GPATCH2: variants seen among roughly 807,000 people sequenced by gnomAD.
GPATCH2 encodes G patch domain-containing protein 2.
Under a neutral mutation model 58.0 loss-of-function variants are expected in GPATCH2, and 51 were observed. That is an observed-to-expected ratio of 0.88 (90% confidence interval 0.70 to 1.11). The LOEUF is 1.11. Ranked by LOEUF, GPATCH2 falls within the 50% of genes most tolerant of loss-of-function variation. The pLI, the probability that GPATCH2 is intolerant of heterozygous loss-of-function variation, is 0.00. For synonymous variants in GPATCH2, 222 were observed against 218.5 expected (o/e 1.02, Z -0.14); for missense variants, 625 against 652.2 (o/e 0.96, Z 0.45).
At chr1:217,458,163 G>C (rs1660039120) in intron 8 of GPATCH2, among the ~76,000 whole-genome samples, 1 of 152,148 alleles carries the variant, frequency 6.6e-6, no homozygotes, top group African/African-American at 2.4e-5. Flanking sequence ...CCGGGAGGCG[G>C]AGCTTGCAGT....
At chr1:217,472,100 G>A (rs1253731228) in intron 8 of GPATCH2, among the ~76,000 whole-genome samples, 1 of 151,864 alleles carries the variant, frequency 6.6e-6, no homozygotes, top group African/African-American at 2.4e-5. Flanking sequence ...TCAAAAAAAC[G>A]GTGCCATATC....
chr1:217,608,384 T>C (rs1331570705), intron 5 of GPATCH2: 6 of 983,374 alleles, frequency 6.1e-6, no homozygotes, highest in Non-Finnish European at 7.2e-6. Flanking sequence ...AACACACATA[T>C]ATAGTATGTC....
intron 8 of GPATCH2, among the ~76,000 whole-genome samples, chr1:217,484,034 C>G (rs991216147): frequency 2.0e-5 from 3 of 152,122 alleles, no homozygotes; most frequent in Admixed American, 6.5e-5. Context: ...TCAAAGCAAT[C>G]TTTGCTGAAG....
intron 5 of GPATCH2, among the ~76,000 whole-genome samples, chr1:217,571,801 G>C (rs759369439): frequency 1.3e-5 from 2 of 151,246 alleles, no homozygotes; most frequent in African/African-American, 4.9e-5. Flanking sequence ...GCTGAGGCAC[G>C]AGAATCACTT....
rs1183790856 is a variant in GPATCH2 at position 217,620,096 on chromosome 1, C to A, written c.460G>T (p.Gly154Trp). The change falls in exon 2 of 10, where the codon GGG (glycine) becomes TGG (tryptophan). Residue 154 changes from glycine to tryptophan, a missense_variant. By Grantham distance (184) the Gly-to-Trp change is radical. Coordinates refer to ENST00000366935, the MANE Select transcript of GPATCH2 (RefSeq NM_018040.5). The stretch of plus-strand genomic sequence containing the variant: ...CTCCTCCTGCGCAGAGTTCTATTCC[C>A]AACATTGTCCACAGCAAAATCAGAC... ...HESDFAVDNVGNRTLRRRRKV... is the reference protein window; with the variant it reads ...HESDFAVDNVWNRTLRRRRKV... The A allele has an allele frequency of 1.2e-6, 2 of 1,614,074 alleles. No homozygotes were observed. Among genetic ancestry groups the A allele is most frequent in the Non-Finnish European group, 1.7e-6 (2 of 1,180,018 alleles).
In GPATCH2 at chr1:217,491,682, G is replaced by A; in HGVS notation, c.1275C>T (p.Ser425=). ...AAAAGCGATTTTGAATTGCTTACCT[G>A]CTGGCTGTTCTCACAGAACAATTTT... The part of the protein sequence containing the change: ...HKKNCSVRTA[S]RQTSMHLGSL... Residue 425 remains serine, a splice_region_variant and synonymous_variant, in exon 8 of 10, where the codon AGC becomes AGT. Transcript: ENST00000366935. The A allele has an allele frequency of 6.9e-7, 1 of 1,439,838 alleles. No individual in the cohort carries two copies. Among genetic ancestry groups the A allele is most frequent in the Non-Finnish European group, 9.7e-7 (1 of 1,033,130 alleles). The allele number at this position is 1,439,838 out of a possible 1,614,324, so 89.2% of individuals were successfully genotyped here.
chr1:217,553,603 A>C (rs990490714), intron 5 of GPATCH2, among the ~76,000 whole-genome samples: 1 of 152,164 alleles, frequency 6.6e-6, no homozygotes, highest in Non-Finnish European at 1.5e-5. Flanking sequence ...TAAAGTTCCA[A>C]CACAATTTTT....
Position 217,630,921 on chromosome 1 carries a change from G to A in GPATCH2, c.51C>T (p.Asn17=), listed in dbSNP as rs748887494. The A allele has an allele frequency of 6.9e-6, 11 of 1,589,126 alleles. No individual in the cohort carries two copies. The South Asian group carries it at 1.2e-4, about 18-fold the overall frequency. Residue 17 remains asparagine, a synonymous_variant, in exon 1 of 10, where the codon AAC becomes AAT. Coordinates refer to ENST00000366935, the MANE Select transcript of GPATCH2 (RefSeq NM_018040.5). ...RQPIGAPAAG[N]SWHFSRTMEE... is the part of the protein sequence containing the mutation. ...CCCAGGGCCGCCAGCCTCACCAGCT[G>A]TTCCCGGCTGCTGGAGCTCCGATCG...
At chr1:217,577,755 T>C (rs981554839) in intron 5 of GPATCH2, among the ~76,000 whole-genome samples, 3 of 151,838 alleles carry the variant, frequency 2.0e-5, no homozygotes, top group South Asian at 4.2e-4. Context: ...ATTATTATTA[T>C]TGTTAGTTTG....
intron 8 of GPATCH2, among the ~76,000 whole-genome samples, chr1:217,488,977 G>C (rs1267050294): frequency 1.3e-5 from 2 of 151,902 alleles, no homozygotes; most frequent in Non-Finnish European, 2.9e-5. Context: ...TCTTCGAGCA[G>C]CCAACCATAA....
intron 5 of GPATCH2, among the ~76,000 whole-genome samples, chr1:217,546,865 C>A (rs549763058): frequency 2.0e-5 from 3 of 152,160 alleles, no homozygotes; most frequent in East Asian, 3.9e-4. Flanking sequence ...TAACACCCAG[C>A]ATCTGTAAGG....
chr1:217,567,885 G>T (rs1405006030), intron 5 of GPATCH2, among the ~76,000 whole-genome samples: 1 of 152,184 alleles, frequency 6.6e-6, no homozygotes, highest in East Asian at 1.9e-4. Context: ...GGGAGGCCAA[G>T]GTGGGCGGAT....
intron 5 of GPATCH2, among the ~76,000 whole-genome samples, chr1:217,570,411 C>A (rs1033532928): frequency 6.6e-6 from 1 of 152,142 alleles, no homozygotes; most frequent in Admixed American, 6.5e-5. Flanking sequence ...CCACACCTGG[C>A]CCCAAAATAT....
At chr1:217,542,482 G>A (rs1664796460) in intron 5 of GPATCH2, among the ~76,000 whole-genome samples, 1 of 152,124 alleles carries the variant, frequency 6.6e-6, no homozygotes, top group African/African-American at 2.4e-5. Flanking sequence ...TTTTGGGGTG[G>A]GGGAAGGATT....
chr1:217,526,783 A>G (rs1489333605), intron 5 of GPATCH2, among the ~76,000 whole-genome samples: 1 of 152,264 alleles, frequency 6.6e-6, no homozygotes, highest in Non-Finnish European at 1.5e-5. Context: ...ACGAGCAAGC[A>G]AAGCTTCATC....
intron 8 of GPATCH2, among the ~76,000 whole-genome samples, chr1:217,466,194 T>C (rs1660441647): frequency 6.6e-6 from 1 of 152,048 alleles, no homozygotes; most frequent in Non-Finnish European, 1.5e-5. Context: ...TACAGAAGCA[T>C]TGACTTAAGA....
At position 217,599,699 on chromosome 1, in the gene GPATCH2, C is replaced by A. The variant is rs188019354; in HGVS notation, c.1098+10622G>T. Among the ~76,000 whole-genome samples the A allele has an allele frequency of 2.9e-3, 434 of 152,232 alleles. 2 individuals carry two copies. The highest frequency in any genetic ancestry group is 4.4e-3 in the Admixed American group (68 of 15,292). On this transcript the variant is annotated intron_variant, in intron 5 of 9. Transcript: ENST00000366935. Reference sequence around the variant, plus strand: ...AAGTCTTCATGACATGTGCTTACAGCTGAACCAAAAACTTTATAGTTGAAA... The same window carrying A: ...AAGTCTTCATGACATGTGCTTACAGATGAACCAAAAACTTTATAGTTGAAA...
Position 217,431,051 on chromosome 1 carries a change from T to C in GPATCH2, c.*94A>G, listed in dbSNP as rs989371079. On this transcript the variant is annotated 3_prime_UTR_variant, in exon 10 of 10. Transcript: ENST00000366935. ...CTAGAGTGATGTGTTTGAGGCAATG[T>C]AGATTTTTGCTTCAAAAACAGAAGT... is the stretch of plus-strand genomic sequence containing the variant. 2.7e-6 allele frequency: 2 copies of C among 752,620 alleles called. No homozygotes were observed. Among genetic ancestry groups the C allele is most frequent in the East Asian group, 2.4e-5 (1 of 41,018 alleles). 46.6% of individuals were successfully genotyped at this position (752,620 alleles called of 1,614,324 possible). A position where few individuals can be genotyped will look rare whatever the true frequency, so the allele number is the denominator to read the frequency against.
At chr1:217,496,878 A>T (rs1330538772) in intron 7 of GPATCH2, among the ~76,000 whole-genome samples, 1 of 152,216 alleles carries the variant, frequency 6.6e-6, no homozygotes, top group African/African-American at 2.4e-5. Context: ...TTTATTAATT[A>T]ATAATCTACC....
Sources: allele counts gnomAD v4.1 joint callset (sites outside exome capture counted in the v4.1 genomes callset), GRCh38; gene constraint gnomAD v4.1.1; transcripts MANE v1.5; gene names NCBI Gene and HGNC (gene_info 2026-07-23, HGNC 2026-07-21).